The following CSMD1 variants were observed in gnomAD, a reference collection of about 807,000 sequenced individuals.
CSMD1 encodes the protein CUB and Sushi multiple domains 1.
CSMD1 carries 213 observed loss-of-function variants against 417.5 expected under a neutral mutation model. The ratio of observed to expected loss-of-function variants is 0.51; its 90% CI spans 0.46 to 0.57. The LOEUF (loss-of-function observed/expected upper bound fraction) is 0.57, where lower values mean the gene tolerates loss of function less well. Ranked by LOEUF, CSMD1 falls within the 20% of genes least tolerant of loss-of-function variation. CSMD1 has a pLI of 0.00. For missense variants in CSMD1, 6,923 were observed against 4,529.7 expected, an observed-to-expected ratio of 1.53 and a Z score of -15.17; for synonymous variants, 2,862 against 1,736.8, an observed-to-expected ratio of 1.65 and a Z score of -16.11.
intron 54 of CSMD1, among the ~76,000 whole-genome samples, chr8:2,992,502 C>A (rs1806484780): frequency 6.6e-6 from 1 of 151,790 alleles, no homozygotes; most frequent in African/African-American, 2.4e-5. Flanking sequence ...TGGCTCACTG[C>A]AACCTCTGCC....
At chr8:3,666,658 C>G (rs1032409713) in intron 7 of CSMD1, among the ~76,000 whole-genome samples, 1 of 152,088 alleles carries the variant, frequency 6.6e-6, no homozygotes, top group Non-Finnish European at 1.5e-5. Context: ...GGCAGTTTCC[C>G]CCATACTGTT....
At chr8:3,982,553 T>C (rs915379716) in intron 5 of CSMD1, among the ~76,000 whole-genome samples, 2 of 152,090 alleles carry the variant, frequency 1.3e-5, no homozygotes, top group South Asian at 2.1e-4. Flanking sequence ...TAGGATTATG[T>C]GCACTAGAAT....
intron 6 of CSMD1, among the ~76,000 whole-genome samples, chr8:3,716,740 G>C (rs528058925): frequency 1.2e-4 from 18 of 152,264 alleles, no homozygotes; most frequent in Non-Finnish European, 1.8e-4. Flanking sequence ...ATTCAAGATG[G>C]AGTTGCTCTG....
intron 3 of CSMD1, among the ~76,000 whole-genome samples, chr8:4,251,922 G>C (rs1306544989): frequency 1.3e-5 from 2 of 151,734 alleles, no homozygotes; most frequent in South Asian, 2.1e-4. Flanking sequence ...ATGTGGGAAT[G>C]GGAAGGGAGG....
rs138373247 is a variant in CSMD1, at chr8:2,993,822, T to C, written c.8377+4189A>G. 2.5e-3 allele frequency among the ~76,000 whole-genome samples: 374 copies of C among 151,986 alleles called. 1 individual carries two copies. The highest frequency in any genetic ancestry group is 0.02 in the Admixed American group (311 of 15,270). On this transcript the variant is annotated intron_variant, in intron 54 of 69. Transcript: ENST00000635120. Reference sequence around the variant, plus strand: ...TCTGGCCTGGAGTTACTCCCCTGCATTGAAGAAAGCAGACAAGGCTCGTGA... The same window carrying C: ...TCTGGCCTGGAGTTACTCCCCTGCACTGAAGAAAGCAGACAAGGCTCGTGA...
intron 3 of CSMD1, among the ~76,000 whole-genome samples, chr8:4,158,468 C>T (rs1481353200): frequency 6.6e-6 from 1 of 152,134 alleles, no homozygotes; most frequent in Non-Finnish European, 1.5e-5. Flanking sequence ...ACTAATACAG[C>T]CGCTAGTGCA....
At chr8:4,241,644 A>T (rs1802410089) in intron 3 of CSMD1, among the ~76,000 whole-genome samples, 1 of 152,220 alleles carries the variant, frequency 6.6e-6, no homozygotes, top group East Asian at 1.9e-4. Flanking sequence ...CAATGATCAA[A>T]ATCATTACAA....
At chr8:3,111,869 T>C (rs1299058533) in intron 42 of CSMD1, among the ~76,000 whole-genome samples, 2 of 152,026 alleles carry the variant, frequency 1.3e-5, no homozygotes, top group Admixed American at 1.3e-4. Flanking sequence ...AACCATGCTG[T>C]CCCCATAACA....
chr8:3,267,793 G>T (rs1478519025), intron 26 of CSMD1, among the ~76,000 whole-genome samples: 8 of 152,152 alleles, frequency 5.3e-5, no homozygotes, highest in African/African-American at 1.9e-4. Context: ...GGAGACCAAG[G>T]GGTGCAGAGG....
At chr8:3,404,286 G>C (rs973661218) in intron 15 of CSMD1, among the ~76,000 whole-genome samples, 2 of 150,594 alleles carry the variant, frequency 1.3e-5, no homozygotes, top group African/African-American at 2.5e-5. Context: ...AGTGAGCTGA[G>C]ATTGCACCAC....
intron 3 of CSMD1, among the ~76,000 whole-genome samples, chr8:4,279,619 T>C (rs1354814669): frequency 2.0e-5 from 3 of 152,174 alleles, no homozygotes; most frequent in South Asian, 2.1e-4. Flanking sequence ...AAAGGATAAA[T>C]GCTTAACTTT....
At chr8:3,441,540 G>A (rs1423624540) in intron 12 of CSMD1, among the ~76,000 whole-genome samples, 1 of 145,708 alleles carries the variant, frequency 6.9e-6, no homozygotes, top group Non-Finnish European at 1.5e-5. Context: ...CCTGTACCAC[G>A]TAAGGACATT....
intron 3 of CSMD1, among the ~76,000 whole-genome samples, chr8:4,051,087 A>G (rs556930677): frequency 6.6e-6 from 1 of 152,058 alleles, no homozygotes; most frequent in African/African-American, 2.4e-5. Context: ...GCCCTGAGTT[A>G]CAGCATCTTT....
At chr8:3,191,428 C>T (rs1227601882) in intron 33 of CSMD1, among the ~76,000 whole-genome samples, 1 of 152,078 alleles carries the variant, frequency 6.6e-6, no homozygotes, top group African/African-American at 2.4e-5. Flanking sequence ...TGCACTCCAG[C>T]CTGGGTGAAA....
At chr8:3,956,862 C>G (rs1328327115) in intron 5 of CSMD1, among the ~76,000 whole-genome samples, 1 of 152,112 alleles carries the variant, frequency 6.6e-6, no homozygotes, top group South Asian at 2.1e-4. Context: ...ACTAGGAACT[C>G]CTTGGAATGC....
chr8:3,589,108 G>A (rs1188876788), intron 8 of CSMD1, among the ~76,000 whole-genome samples: 1 of 152,048 alleles, frequency 6.6e-6, no homozygotes, highest in East Asian at 1.9e-4. Flanking sequence ...TGGAGAAAAG[G>A]GAACCCTTGT....
At chr8:3,087,046 A>T in intron 49 of CSMD1, 51 bp downstream of exon 49, 1 of 1,468,196 alleles carries the variant, frequency 6.8e-7, no homozygotes, top group Non-Finnish European at 9.5e-7. Context: ...AGTGATTAAA[A>T]TGAGAGCAAT....
In CSMD1 at chr8:4,525,944, A is replaced by G. The variant is rs531800897; in HGVS notation, c.303-105879T>C. Among the ~76,000 whole-genome samples, 14 of 152,286 alleles carry G rather than the reference A, an allele frequency of 9.2e-5. No individual in the cohort carries two copies. In the East Asian group the frequency reaches 2.7e-3, roughly 29 times the overall value. On this transcript the variant is annotated intron_variant, in intron 2 of 69. Coordinates refer to ENST00000635120, the MANE Select transcript of CSMD1 (RefSeq NM_033225.6). ...ACCTGAGACCAGGGGCAGAATATCC[A>G]TGATAGATCTGGGTCCTGAACGCTG... is the stretch of plus-strand genomic sequence containing the variant.
intron 3 of CSMD1, among the ~76,000 whole-genome samples, chr8:4,362,602 A>C (rs1801835936): frequency 6.6e-6 from 1 of 152,208 alleles, no homozygotes; most frequent in Non-Finnish European, 1.5e-5. Flanking sequence ...GCTGCTCAAT[A>C]AACATTCTTT....
Sources: gnomAD v4.1 joint callset for allele counts (sites outside exome capture counted in the v4.1 genomes callset) on GRCh38, gnomAD v4.1.1 for gene constraint, MANE v1.5 for transcripts, NCBI Gene and HGNC (gene_info 2026-07-23, HGNC 2026-07-21) for gene names.